Variants in SNRPA1 observed in about 807,000 individuals in gnomAD.
SNRPA1 encodes U2 small nuclear ribonucleoprotein A'.
In SNRPA1, 5 loss-of-function variants were observed where a neutral mutation model predicts 32.3. The ratio of observed to expected loss-of-function variants is 0.15; its 90% CI spans 0.08 to 0.33. The LOEUF (loss-of-function observed/expected upper bound fraction) is 0.33, where lower values mean the gene tolerates loss of function less well. Ranked by LOEUF, SNRPA1 falls within the 10% of genes least tolerant of loss-of-function variation. The pLI is 1.00. For synonymous variants in SNRPA1, 111 were observed against 120.1 expected (o/e 0.92, Z 0.50); for missense variants, 198 against 311.1 (o/e 0.64, Z 2.74).
intron 3 of SNRPA1, 120 bp downstream of exon 3, chr15:101,291,842 A>T: frequency 1.6e-6 from 1 of 626,118 alleles, no homozygotes; most frequent in Admixed American, 2.7e-5. Context: ...ATCCTGAATT[A>T]AGAAAAAGAC....
chr15:101,292,901 A>G (rs61276520), intron 2 of SNRPA1, 124 bp downstream of exon 2: 22,817 of 518,968 alleles, frequency 0.044, 2,707 homozygotes, highest in African/African-American at 0.31. Flanking sequence ...ATATAAATAA[A>G]AAAGAAAAAG....
At chr15:101,294,994 G>T (rs2039571923) in intron 1 of SNRPA1, 103 bp downstream of exon 1, 5 of 712,340 alleles carry the variant, frequency 7.0e-6, no homozygotes, top group Non-Finnish European at 8.4e-6. Flanking sequence ...CCAGACAACC[G>T]GCCCGCGGGC....
intron 8 of SNRPA1, among the ~76,000 whole-genome samples, chr15:101,282,528 A>G (rs2039407706): frequency 6.6e-6 from 1 of 152,258 alleles, no homozygotes; most frequent in Non-Finnish European, 1.5e-5. Flanking sequence ...AAAACTTGAC[A>G]AATGGTAGCT....
At chr15:101,285,272 G>T (rs937263846) in intron 7 of SNRPA1, 2 of 533,238 alleles carry the variant, frequency 3.8e-6, no homozygotes, top group African/African-American at 1.9e-5. Context: ...AGAGATGCAG[G>T]CCTTCTTATA....
intron 1 of SNRPA1, among the ~76,000 whole-genome samples, chr15:101,293,735 A>C (rs575422224): frequency 1.2e-4 from 18 of 152,332 alleles, no homozygotes; most frequent in African/African-American, 3.6e-4. Flanking sequence ...GTGAACACTC[A>C]AATGTTAATT....
intron 3 of SNRPA1, chr15:101,289,905 G>A (rs2039500649): frequency 9.7e-6 from 1 of 103,076 alleles, no homozygotes; most frequent in Non-Finnish European, 1.9e-5. Flanking sequence ...TCTCGCCACT[G>A]CACTCCAGCC....
intron 8 of SNRPA1, among the ~76,000 whole-genome samples, chr15:101,284,491 T>C (rs926470994): frequency 5.3e-5 from 8 of 150,280 alleles, no homozygotes; most frequent in Non-Finnish European, 1.2e-4. Context: ...GTAACTTAAC[T>C]TTCTTCATGA....
At chr15:101,284,607 A>G (rs376432548) in intron 8 of SNRPA1, 5 of 167,912 alleles carry the variant, frequency 3.0e-5, no homozygotes, top group African/African-American at 1.2e-4. Flanking sequence ...GGTTCAAGCG[A>G]TTCTCCTGCC....
At chr15:101,290,572 CG>C (rs1328484236) in intron 3 of SNRPA1, among the ~76,000 whole-genome samples, 2 of 144,618 alleles carry the variant, frequency 1.4e-5, no homozygotes, top group Non-Finnish European at 2.9e-5. Context: ...TTAAGTTATA[CG>C]ATTTTTTTTT....
Position 101,281,832 on chromosome 15 carries a change from T to G in SNRPA1, c.710-50A>C, listed in dbSNP as rs753503084. 26 of 1,541,914 alleles carry G rather than the reference T, an allele frequency of 1.7e-5. No homozygotes were observed. The East Asian group carries it at 5.8e-4, about 35-fold the overall frequency. ...GTAGTATCAATTTTAGAGAATCCATTCCCTTAGCATGCAAGTGTTTGTTCT... is the reference window on the plus strand; with the variant it reads ...GTAGTATCAATTTTAGAGAATCCATGCCCTTAGCATGCAAGTGTTTGTTCT... On this transcript the variant is annotated intron_variant, in intron 8 of 8. Transcript: ENST00000254193.
Position 101,285,033 on chromosome 15 carries a change from C to T in SNRPA1, c.643G>A (p.Ala215Thr), listed in dbSNP as rs1396477329. The T allele has an allele frequency of 6.2e-7, 1 of 1,613,898 alleles. No homozygotes were observed. The highest frequency in any genetic ancestry group is 8.5e-7 in the Non-Finnish European group (1 of 1,179,838). The stretch of plus-strand genomic sequence containing the variant: ...AACCCCTTCAGCCTCTCCACTTCAG[C>T]CAGAGTTGAAGCATTTGCTATGGCA... ...KNAIANASTL[A>T]EVERLKGLLQ... The change falls in exon 8 of 9, where the codon GCT becomes ACT. Residue 215 changes from alanine to threonine, a missense_variant. Transcript: ENST00000254193.
intron 7 of SNRPA1, 84 bp downstream of exon 7, chr15:101,285,642 T>A: frequency 1.1e-6 from 1 of 905,400 alleles, no homozygotes; most frequent in East Asian, 2.4e-5. Flanking sequence ...AAATCTGCAA[T>A]GTTCGGAACA....
In SNRPA1 at chr15:101,281,942, G is replaced by T. The variant is rs113528728; in HGVS notation, c.710-160C>A. ...TTTGAGGAGCTTATCGTCCAGGGAC[G>T]GTCTAGTCTGTCTTTGGCAGGTACT... is the stretch of plus-strand genomic sequence containing the variant. On this transcript the variant is annotated intron_variant, in intron 8 of 8. Transcript: ENST00000254193. Among the ~76,000 whole-genome samples the T allele has an allele frequency of 7.9e-5, 12 of 152,212 alleles. No homozygotes were observed. In the East Asian group the frequency reaches 2.1e-3, roughly 27 times the overall value.
chr15:101,287,104 G>C (rs2039463682), intron 4 of SNRPA1, 94 bp from the exon 5 acceptor site: 2 of 572,106 alleles, frequency 3.5e-6, no homozygotes, highest in Non-Finnish European at 3.2e-6. Context: ...TAAATCAAGG[G>C]AACATTCACA....
intron 2 of SNRPA1, among the ~76,000 whole-genome samples, chr15:101,292,515 TAC>T (rs1415402941): frequency 6.6e-6 from 1 of 152,108 alleles, no homozygotes; most frequent in African/African-American, 2.4e-5. Flanking sequence ...CAATAAAGTT[TAC>T]ACAGAGCTGA....
At chr15:101,295,026 C>G (rs1201795257) in intron 1 of SNRPA1, 71 bp downstream of exon 1, 4 of 1,052,008 alleles carry the variant, frequency 3.8e-6, no homozygotes, top group Non-Finnish European at 5.2e-6. Flanking sequence ...CTTCGGTGCA[C>G]GCGGCAAAGC....
intron 1 of SNRPA1, among the ~76,000 whole-genome samples, chr15:101,294,417 A>T (rs1164655917): frequency 6.6e-6 from 1 of 152,222 alleles, no homozygotes; most frequent in East Asian, 1.9e-4. Flanking sequence ...CGTCTCCTGA[A>T]ATGCCAACTA....
chr15:101,292,344 C>A (rs2039535140), intron 2 of SNRPA1, among the ~76,000 whole-genome samples: 1 of 152,132 alleles, frequency 6.6e-6, no homozygotes, highest in Non-Finnish European at 1.5e-5. Context: ...GCAGGCAGCA[C>A]AGAAATACAA....
chr15:101,287,423 G>C (rs2039468722), intron 4 of SNRPA1, among the ~76,000 whole-genome samples: 1 of 152,054 alleles, frequency 6.6e-6, no homozygotes, highest in South Asian at 2.1e-4. Flanking sequence ...CTACGAGTGA[G>C]AACATGGGGT....
Sources: gnomAD v4.1 joint callset for allele counts (sites outside exome capture counted in the v4.1 genomes callset) on GRCh38, gnomAD v4.1.1 for gene constraint, MANE v1.5 for transcripts, NCBI Gene and HGNC (gene_info 2026-07-23, HGNC 2026-07-21) for gene names.